Variants in LRP1B observed in about 807,000 individuals in gnomAD.
LRP1B encodes LDL receptor related protein 1B.
LRP1B carries 217 observed loss-of-function variants against 556.6 expected under a neutral mutation model. The ratio of observed to expected loss-of-function variants is 0.39; its 90% CI spans 0.35 to 0.44. LRP1B has a LOEUF of 0.44. Ranked by LOEUF, LRP1B falls within the 20% of genes least tolerant of loss-of-function variation. LRP1B has a pLI of 1.00. For missense variants in LRP1B, 5,053 were observed against 5,620.8 expected, an observed-to-expected ratio of 0.90 and a Z score of 3.23; for synonymous variants, 2,047 against 1,865.8, an observed-to-expected ratio of 1.10 and a Z score of -2.50.
chr2:140,940,540 C>T (rs114575103), intron 20 of LRP1B, among the ~76,000 whole-genome samples: 328 of 152,260 alleles, frequency 2.2e-3, no homozygotes, highest in African/African-American at 7.5e-3. Flanking sequence ...CACCTTTTCA[C>T]AAGAACCTTG....
At chr2:141,472,660 T>C (rs571581373) in intron 3 of LRP1B, among the ~76,000 whole-genome samples, 1 of 152,304 alleles carries the variant, frequency 6.6e-6, no homozygotes, top group Non-Finnish European at 1.5e-5. Flanking sequence ...TAAAAAATTA[T>C]AGAAGTAATG....
chr2:140,965,567 T>G (rs563030782), intron 18 of LRP1B, among the ~76,000 whole-genome samples: 1 of 152,266 alleles, frequency 6.6e-6, no homozygotes, highest in African/African-American at 2.4e-5. Context: ...TTTAATTTTT[T>G]TATTAGACTT....
At chr2:141,303,247 A>G (rs1686461639) in intron 3 of LRP1B, among the ~76,000 whole-genome samples, 1 of 152,128 alleles carries the variant, frequency 6.6e-6, no homozygotes, top group Non-Finnish European at 1.5e-5. Context: ...TAGCGTATCC[A>G]TCACCTTGAG....
intron 1 of LRP1B, among the ~76,000 whole-genome samples, chr2:142,027,696 A>T (rs1424681062): frequency 6.8e-6 from 1 of 148,056 alleles, no homozygotes; most frequent in Non-Finnish European, 1.5e-5. Context: ...ACACACACAC[A>T]CAGAGATAAA....
In LRP1B at chr2:140,673,797, T is replaced by C. The variant is rs975856179; in HGVS notation, c.6799+26453A>G. 5.3e-5 allele frequency among the ~76,000 whole-genome samples: 8 copies of C among 151,978 alleles called. No homozygotes were observed. In the East Asian group the frequency reaches 1.5e-3, roughly 29 times the overall value. On this transcript the variant is annotated intron_variant, in intron 41 of 90. Coordinates refer to ENST00000389484, the MANE Select transcript of LRP1B (RefSeq NM_018557.3). Reference sequence around the variant, plus strand: ...GGTCCATACATACCTCACTATACCCTCTCCCTTTTGGACTTTAGACACAAC... The same window carrying C: ...GGTCCATACATACCTCACTATACCCCCTCCCTTTTGGACTTTAGACACAAC...
At chr2:140,579,864 T>G (rs1002633964) in intron 43 of LRP1B, among the ~76,000 whole-genome samples, 1 of 152,026 alleles carries the variant, frequency 6.6e-6, no homozygotes, top group East Asian at 1.9e-4. Flanking sequence ...TAAAATAAAA[T>G]AAAAAGGTTA....
intron 49 of LRP1B, among the ~76,000 whole-genome samples, chr2:140,520,277 A>G (rs1690103290): frequency 6.6e-6 from 1 of 152,208 alleles, no homozygotes; most frequent in Admixed American, 6.5e-5. Context: ...ATGCAACCAT[A>G]GAAAAGGATG....
intron 1 of LRP1B, among the ~76,000 whole-genome samples, chr2:142,040,869 A>C (rs898812504): frequency 4.6e-5 from 7 of 151,350 alleles, no homozygotes; most frequent in Non-Finnish European, 1.0e-4. Context: ...CAGCCAAGAC[A>C]TATAGGACAG....
At chr2:140,659,102 T>TG (rs1467795098) in intron 41 of LRP1B, among the ~76,000 whole-genome samples, 3 of 124,686 alleles carry the variant, frequency 2.4e-5, no homozygotes, top group Admixed American at 8.3e-5. Flanking sequence ...AAATCTGTTT[T>TG]TTTTTTTTTT....
chr2:140,380,876 C>T (rs566003305), intron 67 of LRP1B, among the ~76,000 whole-genome samples: 1 of 152,124 alleles, frequency 6.6e-6, no homozygotes, highest in African/African-American at 2.4e-5. Context: ...TTTCTAGAGA[C>T]TTTGTCCTAA....
At chr2:142,089,590 C>T (rs1013508806) in intron 1 of LRP1B, among the ~76,000 whole-genome samples, 2 of 152,124 alleles carry the variant, frequency 1.3e-5, no homozygotes, top group Non-Finnish European at 2.9e-5. Context: ...CTGTCAAAGA[C>T]GCATCCCATT....
At chr2:141,870,480 A>ATTT (rs1698547388) in intron 1 of LRP1B, among the ~76,000 whole-genome samples, 1 of 152,008 alleles carries the variant, frequency 6.6e-6, no homozygotes, top group Admixed American at 6.6e-5. Context: ...ATGAATGCAT[A>ATTT]TTTTTGAAAA....
chr2:140,381,525 G>A lies in LRP1B; in HGVS notation c.10532-3239C>T, dbSNP rs146457876. ...CAACCAAGAAGCTTTTGCAGGGTAT[G>A]TTTTCCATGTTTCAGAAGGCTAATT... is the stretch of plus-strand genomic sequence containing the variant. On this transcript the variant is annotated intron_variant, in intron 67 of 90. Transcript: ENST00000389484. Among the ~76,000 whole-genome samples the A allele has an allele frequency of 2.1e-3, 325 of 152,196 alleles. 1 individual carries two copies. The highest frequency in any genetic ancestry group is 7.6e-3 in the African/African-American group (315 of 41,536).
chr2:140,521,378 G>A (rs1178973906), intron 49 of LRP1B, among the ~76,000 whole-genome samples: 1 of 152,030 alleles, frequency 6.6e-6, no homozygotes, highest in Non-Finnish European at 1.5e-5. Flanking sequence ...AAATCTAGAA[G>A]AGATTGGGGA....
chr2:141,930,580 T>C (rs945838366), intron 1 of LRP1B, among the ~76,000 whole-genome samples: 3 of 152,000 alleles, frequency 2.0e-5, no homozygotes, highest in Admixed American at 6.6e-5. Context: ...TTAACCATCT[T>C]CCAAAATGTA....
At chr2:141,419,922 G>C (rs1254040601) in intron 3 of LRP1B, among the ~76,000 whole-genome samples, 1 of 136,642 alleles carries the variant, frequency 7.3e-6, no homozygotes, top group Admixed American at 7.5e-5. Context: ...TACTTATTTT[G>C]TGACCTAACA....
At chr2:140,784,536 C>T (rs553161357) in intron 32 of LRP1B, among the ~76,000 whole-genome samples, 16 of 151,482 alleles carry the variant, frequency 1.1e-4, no homozygotes, top group African/African-American at 3.9e-4. Context: ...CCGGAAACAC[C>T]AGATAATTAA....
chr2:141,490,051 T>C (rs1683271221), intron 2 of LRP1B, among the ~76,000 whole-genome samples: 1 of 152,162 alleles, frequency 6.6e-6, no homozygotes, highest in Admixed American at 6.6e-5. Context: ...CAGTACCCTT[T>C]AGCCATCTCT....
chr2:141,347,310 C>CA (rs767176539), intron 3 of LRP1B, among the ~76,000 whole-genome samples: 33 of 151,552 alleles, frequency 2.2e-4, no homozygotes, highest in Non-Finnish European at 3.7e-4. Flanking sequence ...ATTGTAATAA[C>CA]AAAAAAAATC....
Sources: allele counts gnomAD v4.1 joint callset (sites outside exome capture counted in the v4.1 genomes callset), GRCh38; gene constraint gnomAD v4.1.1; transcripts MANE v1.5; gene names NCBI Gene and HGNC (gene_info 2026-07-23, HGNC 2026-07-21).